DAB1: variants seen among roughly 807,000 people sequenced by gnomAD.
DAB1 encodes the protein disabled homolog 1.
In DAB1, 15 loss-of-function variants were observed where a neutral mutation model predicts 64.6. That is an observed-to-expected ratio of 0.23 (90% CI 0.16 to 0.36). The LOEUF (loss-of-function observed/expected upper bound fraction) is 0.36, where lower values mean the gene tolerates loss of function less well. Among genes scored for constraint, DAB1 ranks in the 10% least tolerant of loss-of-function variants. The pLI is 1.00. For missense variants in DAB1, 596 were observed against 706.7 expected (o/e 0.84, Z 1.78); for synonymous variants, 235 against 251.9 (o/e 0.93, Z 0.64).
intron 5 of DAB1, among the ~76,000 whole-genome samples, chr1:58,056,640 TG>T (rs1453000593): frequency 6.6e-6 from 1 of 152,198 alleles, no homozygotes; most frequent in African/African-American, 2.4e-5. Context: ...TCCAGATCCA[TG>T]CTTCAGGCTT....
intron 6 of DAB1, among the ~76,000 whole-genome samples, chr1:57,765,611 G>C (rs932873658): frequency 6.6e-6 from 1 of 152,018 alleles, no homozygotes; most frequent in Non-Finnish European, 1.5e-5. Flanking sequence ...AGCAGCATTT[G>C]TGAAGGTCAC....
intron 6 of DAB1, among the ~76,000 whole-genome samples, chr1:57,735,386 A>C (rs895071734): frequency 6.6e-6 from 1 of 152,170 alleles, no homozygotes; most frequent in Non-Finnish European, 1.5e-5. Flanking sequence ...TCAATGAAAA[A>C]ATGAGAAATA....
At chr1:57,195,193 C>T (rs1025049795) in intron 2 of DAB1, among the ~76,000 whole-genome samples, 2 of 152,012 alleles carry the variant, frequency 1.3e-5, no homozygotes, top group African/African-American at 2.4e-5. Context: ...ATTCATCAAA[C>T]GTTTATGGAA....
At chr1:58,197,854 T>G (rs1358205323) in intron 4 of DAB1, among the ~76,000 whole-genome samples, 2 of 152,160 alleles carry the variant, frequency 1.3e-5, no homozygotes, top group East Asian at 1.9e-4. Context: ...AAACTCTCAC[T>G]TGGAAATTGA....
chr1:57,737,446 C>A (rs919065675), intron 6 of DAB1, among the ~76,000 whole-genome samples: 1 of 152,194 alleles, frequency 6.6e-6, no homozygotes, highest in Non-Finnish European at 1.5e-5. Flanking sequence ...ACCCTTTGCA[C>A]GTCTCAGTTT....
At chr1:58,497,664 T>TC (rs1645826115) in intron 3 of DAB1, among the ~76,000 whole-genome samples, 1 of 151,974 alleles carries the variant, frequency 6.6e-6, no homozygotes, top group Non-Finnish European at 1.5e-5. Context: ...ACGAAGGAAA[T>TC]CTCTAATTTG....
chr1:57,657,401 C>T (rs778863983), intron 6 of DAB1, among the ~76,000 whole-genome samples: 2 of 152,184 alleles, frequency 1.3e-5, no homozygotes, highest in Non-Finnish European at 2.9e-5. Flanking sequence ...AATCACAGTA[C>T]GGAGTTCCCC....
At chr1:57,583,527 C>T (rs1197141871) in intron 7 of DAB1, among the ~76,000 whole-genome samples, 1 of 152,014 alleles carries the variant, frequency 6.6e-6, no homozygotes, top group Non-Finnish European at 1.5e-5. Context: ...CCTTGTGATC[C>T]GCCTGCCTCA....
chr1:57,525,194 G>A (rs1570596351), intron 7 of DAB1, among the ~76,000 whole-genome samples: 1 of 152,190 alleles, frequency 6.6e-6, no homozygotes, highest in African/African-American at 2.4e-5. Flanking sequence ...GTAGAACCAA[G>A]GAAACAGAAA....
intron 3 of DAB1, among the ~76,000 whole-genome samples, chr1:58,433,594 AGAGT>A (rs1202787524): frequency 3.7e-3 from 342 of 91,378 alleles, no homozygotes; most frequent in African/African-American, 0.015. Context: ...AGAGAGAGAG[AGAGT>A]GTGTGTGTGT....
intron 6 of DAB1, among the ~76,000 whole-genome samples, chr1:57,721,541 C>T (rs974931964): frequency 1.3e-5 from 2 of 152,170 alleles, no homozygotes; most frequent in Non-Finnish European, 2.9e-5. Context: ...AATGAGGATA[C>T]TGAGCACAGA....
At chr1:58,326,950 A>G (rs1218114804) in intron 4 of DAB1, among the ~76,000 whole-genome samples, 1 of 152,152 alleles carries the variant, frequency 6.6e-6, no homozygotes, top group East Asian at 1.9e-4. Context: ...GTGTTTTAAA[A>G]TTTTCCCCAT....
At chr1:58,041,738 G>T (rs1433733648) in intron 5 of DAB1, among the ~76,000 whole-genome samples, 2 of 152,206 alleles carry the variant, frequency 1.3e-5, no homozygotes, top group African/African-American at 2.4e-5. Context: ...TAGCAAGCTA[G>T]AATTGGCATT....
chr1:57,750,544 A>C (rs75903779), intron 6 of DAB1, among the ~76,000 whole-genome samples: 2,435 of 152,308 alleles, frequency 0.016, 85 homozygotes, highest in African/African-American at 0.055. Context: ...GAAATAATAA[A>C]TGTTAAAAGG....
intron 1 of DAB1, among the ~76,000 whole-genome samples, chr1:57,366,392 T>C (rs1679997574): frequency 6.6e-6 from 1 of 152,190 alleles, no homozygotes; most frequent in Non-Finnish European, 1.5e-5. Context: ...CATTTTTCAT[T>C]TTCCACATAA....
chr1:58,067,230 T>C (rs1004286050), intron 5 of DAB1, among the ~76,000 whole-genome samples: 2 of 152,236 alleles, frequency 1.3e-5, no homozygotes, highest in Non-Finnish European at 2.9e-5. Flanking sequence ...ATGTCTATTT[T>C]CCTGCTACAA....
At chr1:57,925,618 A>G (rs780902952) in intron 5 of DAB1, among the ~76,000 whole-genome samples, 2 of 152,218 alleles carry the variant, frequency 1.3e-5, no homozygotes, top group Admixed American at 6.5e-5. Context: ...TTCTTCTTTC[A>G]TAGTTATAAA....
chr1:57,422,587 G>C (rs1685006445), intron 1 of DAB1, among the ~76,000 whole-genome samples: 1 of 151,166 alleles, frequency 6.6e-6, no homozygotes, highest in South Asian at 2.1e-4. Context: ...TCTCCACTCC[G>C]CCCGCCGCCA....
At chr1:57,730,891 T>C (rs1647381893) in intron 6 of DAB1, among the ~76,000 whole-genome samples, 1 of 152,156 alleles carries the variant, frequency 6.6e-6, no homozygotes, top group African/African-American at 2.4e-5. Context: ...TGTAAAAGGG[T>C]GCATCCTCTA....
Sources: allele counts gnomAD v4.1 joint callset (sites outside exome capture counted in the v4.1 genomes callset), GRCh38; gene constraint gnomAD v4.1.1; transcripts MANE v1.5; gene names NCBI Gene and HGNC (gene_info 2026-07-23, HGNC 2026-07-21).